Variants in PPIP5K2 observed in about 807,000 individuals in gnomAD.
PPIP5K2 encodes the protein inositol hexakisphosphate and diphosphoinositol-pentakisphosphate kinase 2.
In PPIP5K2, 105 loss-of-function variants were observed where a neutral mutation model predicts 154.6. The ratio of observed to expected loss-of-function variants is 0.68; its 90% CI spans 0.58 to 0.80. The LOEUF is 0.80. Ranked by LOEUF, PPIP5K2 falls within the 30% of genes least tolerant of loss-of-function variation. PPIP5K2 has a pLI of 0.00. For missense variants in PPIP5K2, 992 were observed against 1,504.6 expected, an observed-to-expected ratio of 0.66 and a Z score of 5.64; for synonymous variants, 480 against 490.3, an observed-to-expected ratio of 0.98 and a Z score of 0.28.
chr5:103,187,851 G>A (rs1269973905), intron 28 of PPIP5K2, among the ~76,000 whole-genome samples: 1 of 152,060 alleles, frequency 6.6e-6, no homozygotes, highest in Non-Finnish European at 1.5e-5. Flanking sequence ...TGGGCACCTG[G>A]TGATGCATAT....
At chr5:103,173,402 A>C in intron 20 of PPIP5K2, 120 bp downstream of exon 20, 1 of 1,165,308 alleles carries the variant, frequency 8.6e-7, no homozygotes, top group Non-Finnish European at 1.2e-6. Flanking sequence ...CTGTGAAAAT[A>C]GTATTACCTA....
At position 103,208,318 on chromosome 5, in the gene PPIP5K2, T is replaced by A. The variant is rs1803628325; in HGVS notation, c.*6684T>A. 1 of 152,232 alleles carries A rather than the reference T, an allele frequency of 6.6e-6. No homozygotes were observed. Among genetic ancestry groups the A allele is most frequent in the African/African-American group, 2.4e-5 (1 of 41,446 alleles). 9.4% of individuals were successfully genotyped at this position (152,232 alleles called of 1,614,324 possible). The stretch of plus-strand genomic sequence containing the variant: ...GTTGGCCAGGCTGGTCTCGAACTCC[T>A]GACCTCATGATCTTCCTGCCTCAGC... On this transcript the variant is annotated 3_prime_UTR_variant, in exon 31 of 31. Coordinates refer to ENST00000358359, the MANE Select transcript of PPIP5K2 (RefSeq NM_001276277.3).
chr5:103,190,537 G>A (rs1801064600), intron 28 of PPIP5K2, among the ~76,000 whole-genome samples: 1 of 150,350 alleles, frequency 6.7e-6, no homozygotes, highest in South Asian at 2.1e-4. Flanking sequence ...CTGAAAACTT[G>A]TATTTCTTTG....
intron 27 of PPIP5K2, 48 bp downstream of exon 27, chr5:103,186,487 C>T (rs1395448414): frequency 3.1e-6 from 5 of 1,604,756 alleles, no homozygotes; most frequent in Admixed American, 3.4e-5. Flanking sequence ...CCCATGCACA[C>T]ACCCATGAGC....
In PPIP5K2 at chr5:103,201,809, G is replaced by T. The variant is rs1554230630; in HGVS notation, c.*175G>T. On this transcript the variant is annotated 3_prime_UTR_variant, in exon 31 of 31. Transcript: ENST00000358359. ...GAAATGTTTAAAACAATGTTTGTTA[G>T]CATTCTGTGAGCAGCAAAACTTATA... The T allele has an allele frequency of 1.8e-6, 1 of 569,102 alleles. No homozygotes were observed. Among genetic ancestry groups the T allele is most frequent in the Non-Finnish European group, 3.1e-6 (1 of 322,858 alleles). 35.3% of individuals were successfully genotyped at this position (569,102 alleles called of 1,614,324 possible). A position where few individuals can be genotyped will look rare whatever the true frequency, so the allele number is the denominator to read the frequency against.
intron 19 of PPIP5K2, among the ~76,000 whole-genome samples, chr5:103,170,750 G>T (rs1370191983): frequency 2.6e-5 from 4 of 151,088 alleles, no homozygotes; most frequent in Admixed American, 2.6e-4. Context: ...TGGACAGAAG[G>T]CAGGTATTTT....
In PPIP5K2 at chr5:103,147,925, T is replaced by C. The variant is rs1554209748; in HGVS notation, c.643-6T>C. 1.9e-6 allele frequency: 3 copies of C among 1,547,374 alleles called. No homozygotes were observed. In the South Asian group the frequency reaches 3.7e-5, roughly 19 times the overall value. On this transcript the variant is annotated splice_polypyrimidine_tract_variant and splice_region_variant and intron_variant, in intron 6 of 30. Coordinates refer to ENST00000358359, the MANE Select transcript of PPIP5K2 (RefSeq NM_001276277.3). ...TTTTATATCGATGGACATCTTTTGT[T>C]TTCAGATTGGCAGTAGAAGTAGTGT...
In PPIP5K2 at chr5:103,154,879, A is replaced by G; in HGVS notation, c.1339A>G (p.Asn447Asp). The G allele has an allele frequency of 6.2e-7, 1 of 1,606,162 alleles. No homozygotes were observed. The highest frequency in any genetic ancestry group is 8.5e-7 in the Non-Finnish European group (1 of 1,176,718). Residue 447 changes from asparagine (N) to aspartate (D), a missense_variant, in exon 13 of 31, where the codon AAT (asparagine) becomes GAT (aspartate). Asn to Asp is a conservative substitution (Grantham distance 23). Transcript: ENST00000358359. ...ACAGCTTCTTATGGAGCTAGGGCAA[A>G]ATAATGATTCTGAAATTGAAGAAAA... ...ARQLLMELGQ[N>D]NDSEIEENKP... is the part of the protein sequence containing the mutation.
In PPIP5K2 at chr5:103,180,189, G is replaced by GT. The variant is rs782618518; in HGVS notation, c.2922+2dup. 2.5e-6 allele frequency: 4 copies of GT among 1,580,458 alleles called. No individual in the cohort carries two copies. The Admixed American group carries it at 7.4e-5, about 29-fold the overall frequency. On this transcript the variant is annotated splice_donor_variant, in intron 24 of 30. Transcript: ENST00000358359. LOFTEE classifies it high-confidence loss of function. The stretch of plus-strand genomic sequence containing the variant: ...ATCTAGGAAGACGGCTACAAATGAT[G>GT]TAAGTATATGTATCAGAACACATTT...
chr5:103,197,010 T>A (rs1802190036), intron 30 of PPIP5K2, among the ~76,000 whole-genome samples: 1 of 152,086 alleles, frequency 6.6e-6, no homozygotes, highest in Admixed American at 6.6e-5. Context: ...TCAGGAAGGA[T>A]CGACAGTACA....
chr5:103,176,852 T>G (rs1554221092), intron 21 of PPIP5K2: 10 of 1,371,204 alleles, frequency 7.3e-6, no homozygotes, highest in Non-Finnish European at 9.9e-6. Context: ...TGCTCTATGA[T>G]TACATGTTTA....
At chr5:103,158,041 C>T in intron 14 of PPIP5K2, 147 bp from the exon 15 acceptor site, 1 of 809,358 alleles carries the variant, frequency 1.2e-6, no homozygotes, top group Non-Finnish European at 1.9e-6. Context: ...CATTAAGGAA[C>T]ATACATGCAA....
intron 5 of PPIP5K2, among the ~76,000 whole-genome samples, chr5:103,138,922 G>C (rs1792049826): frequency 6.6e-6 from 1 of 152,210 alleles, no homozygotes; most frequent in African/African-American, 2.4e-5. Flanking sequence ...GAATAAACAT[G>C]AATTGAAAAT....
At chr5:103,172,798 A>G (rs1554219879) in intron 19 of PPIP5K2, among the ~76,000 whole-genome samples, 1 of 151,734 alleles carries the variant, frequency 6.6e-6, no homozygotes, top group Non-Finnish European at 1.5e-5. Context: ...TCATATATTT[A>G]TTACATATTG....
Position 103,211,754 on chromosome 5 carries a change from T to C in PPIP5K2, c.*10120T>C, listed in dbSNP as rs1037463926. The C allele has an allele frequency of 1.1e-4, 17 of 152,014 alleles. No homozygotes were observed. The highest frequency in any genetic ancestry group is 5.2e-4 in the Admixed American group (8 of 15,262). The allele number at this position is 152,014 out of a possible 1,614,324, so 9.4% of individuals were successfully genotyped here. A position where few individuals can be genotyped will look rare whatever the true frequency, so the allele number is the denominator to read the frequency against. Reference sequence around the variant, plus strand: ...CTACACTAAGCCCTGATGATACAAATATGAAAAGTCCTGTTTCCAGGGAAT... The same window carrying C: ...CTACACTAAGCCCTGATGATACAAACATGAAAAGTCCTGTTTCCAGGGAAT... On this transcript the variant is annotated 3_prime_UTR_variant, in exon 31 of 31. Transcript: ENST00000358359.
rs782264194 is a variant in PPIP5K2 at position 103,167,257 on chromosome 5, T to C, written c.1999T>C (p.Tyr667His). The C allele has an allele frequency of 6.3e-7, 1 of 1,597,786 alleles. No individual in the cohort carries two copies. The highest frequency in any genetic ancestry group is 2.3e-5 in the East Asian group (1 of 44,360). The stretch of plus-strand genomic sequence containing the variant: ...CCCTGTGAAGACCTGTGATAAAGTT[T>C]ATTCCTTAATTCAGAGTTTGACTTC... ...KNPVKTCDKV[Y>H]SLIQSLTSQI... The change falls in exon 18 of 31, where the codon TAT becomes CAT. Residue 667 changes from tyrosine (Y) to histidine (H), a missense_variant. Around this residue, in one of 9 missense-constraint regions of PPIP5K2, gnomAD observed 82 missense variants for 91.8 expected, o/e 0.89. Coordinates refer to ENST00000358359, the MANE Select transcript of PPIP5K2 (RefSeq NM_001276277.3).
intron 19 of PPIP5K2, among the ~76,000 whole-genome samples, chr5:103,171,560 A>G (rs1007281444): frequency 6.6e-5 from 10 of 151,646 alleles, no homozygotes; most frequent in African/African-American, 7.2e-5. Flanking sequence ...GTTTGGTCCT[A>G]GTTGATAGAG....
rs1792496385 is a variant in PPIP5K2 at position 103,140,886 on chromosome 5, A to G, written c.487+2417A>G. The stretch of plus-strand genomic sequence containing the variant: ...TCCTTCAAACATGAAGACATAATAT[A>G]CTTTACTAAACAGAAACTGAGGGAT... On this transcript the variant is annotated intron_variant, in intron 5 of 30. Transcript: ENST00000358359. Among the ~76,000 whole-genome samples the G allele has an allele frequency of 3.9e-5, 6 of 152,178 alleles. No individual in the cohort carries two copies. In the South Asian group the frequency reaches 1.2e-3, roughly 32 times the overall value.
intron 23 of PPIP5K2, among the ~76,000 whole-genome samples, chr5:103,178,596 A>G (rs1430025715): frequency 6.6e-6 from 1 of 151,636 alleles, no homozygotes; most frequent in Non-Finnish European, 1.5e-5. Context: ...TATAAATTTT[A>G]TAATCATTTT....
Sources: gnomAD v4.1 joint callset for allele counts (sites outside exome capture counted in the v4.1 genomes callset) on GRCh38, gnomAD v4.1.1 for gene constraint, gnomAD v4.1.1 regional missense constraint, MANE v1.5 for transcripts, NCBI Gene and HGNC (gene_info 2026-07-23, HGNC 2026-07-21) for gene names.